MFHAS1: variants seen among roughly 807,000 people sequenced by gnomAD.
MFHAS1 encodes the protein multifunctional ROCO family signaling regulator 1, also known as malignant fibrous histiocytoma-amplified sequence 1.
A neutral mutation model predicts 70.4 loss-of-function variants in MFHAS1; 50 were observed. That is an observed-to-expected ratio of 0.71 (90% CI 0.57 to 0.90). MFHAS1 has a LOEUF of 0.90. MFHAS1 is among the 40% of genes least tolerant of loss of function. The probability of loss-of-function intolerance (pLI) is 0.00; values close to 1 mark genes in which losing one functional copy is unlikely to be tolerated. For missense variants in MFHAS1, 1,795 were observed against 1,347.6 expected (o/e 1.33, Z -5.20); for synonymous variants, 952 against 620.0 (o/e 1.54, Z -7.96).
intron 1 of MFHAS1, among the ~76,000 whole-genome samples, chr8:8,829,942 G>A (rs1211384976): frequency 2.0e-5 from 3 of 152,238 alleles, no homozygotes; most frequent in Admixed American, 6.5e-5. Context: ...ATTCTTCACT[G>A]TTCAACTAGA....
intron 1 of MFHAS1, among the ~76,000 whole-genome samples, chr8:8,805,388 T>A (rs558221573): frequency 1.3e-5 from 2 of 152,214 alleles, no homozygotes; most frequent in East Asian, 1.9e-4. Flanking sequence ...ACATATAGCA[T>A]GTGCTGTATT....
intron 1 of MFHAS1, among the ~76,000 whole-genome samples, chr8:8,830,234 G>A (rs1292798504): frequency 6.6e-6 from 1 of 152,130 alleles, no homozygotes; most frequent in Non-Finnish European, 1.5e-5. Context: ...CAAGCAAAAG[G>A]CTCAAGGAAG....
At chr8:8,797,971 T>G (rs1018746299) in intron 1 of MFHAS1, among the ~76,000 whole-genome samples, 27 of 152,160 alleles carry the variant, frequency 1.8e-4, no homozygotes, top group African/African-American at 6.5e-4. Flanking sequence ...CTAAAAGTGT[T>G]AAAAACACAA....
chr8:8,837,302 G>T (rs1807632926), intron 1 of MFHAS1, among the ~76,000 whole-genome samples: 1 of 152,146 alleles, frequency 6.6e-6, no homozygotes, highest in African/African-American at 2.4e-5. Context: ...ATGCAGCAAA[G>T]GAGTTGAATA....
chr8:8,824,081 G>A (rs909224171), intron 1 of MFHAS1, among the ~76,000 whole-genome samples: 3 of 151,248 alleles, frequency 2.0e-5, no homozygotes, highest in Non-Finnish European at 2.9e-5. Flanking sequence ...ACCTGCCTGT[G>A]AGGCAGAACT....
At position 8,890,172 on chromosome 8, in the gene MFHAS1, C is replaced by A. The variant is rs766752168; in HGVS notation, c.2887G>T (p.Val963Leu). 1.5e-5 allele frequency: 24 copies of A among 1,614,154 alleles called. No homozygotes were observed. The highest frequency in any genetic ancestry group is 1.9e-5 in the Non-Finnish European group (23 of 1,180,038). The change falls in exon 1 of 3, where the codon GTG becomes TTG. Residue 963 changes from valine to leucine, a missense_variant. Coordinates refer to ENST00000276282, the MANE Select transcript of MFHAS1 (RefSeq NM_004225.3). ...TGAAGTAGGACATTCAGTTCCTCCA[C>A]CAAGGGGGTTATGGCTTGCCATGCG... ...WTAWQAITPL[V>L]EELNVLLQEW... is the part of the protein sequence containing the mutation.
chr8:8,818,517 C>G (rs1022250530), intron 1 of MFHAS1, among the ~76,000 whole-genome samples: 2 of 152,144 alleles, frequency 1.3e-5, no homozygotes, highest in African/African-American at 2.4e-5. Flanking sequence ...ACTGGATAAC[C>G]CTGTGGAACT....
chr8:8,839,875 C>G (rs769461085), intron 1 of MFHAS1, among the ~76,000 whole-genome samples: 1 of 152,074 alleles, frequency 6.6e-6, no homozygotes, highest in African/African-American at 2.4e-5. Flanking sequence ...ACCTACCATG[C>G]CTGGACTGTC....
At chr8:8,801,749 AG>A (rs1806090546) in intron 1 of MFHAS1, among the ~76,000 whole-genome samples, 1 of 152,230 alleles carries the variant, frequency 6.6e-6, no homozygotes, top group African/African-American at 2.4e-5. Flanking sequence ...AAGAAGACGC[AG>A]GGGTCTGAGA....
intron 1 of MFHAS1, among the ~76,000 whole-genome samples, chr8:8,820,491 T>C (rs1806912950): frequency 6.6e-6 from 1 of 152,236 alleles, no homozygotes; most frequent in South Asian, 2.1e-4. Flanking sequence ...CTTTATTCAC[T>C]TGATCTCAAT....
At chr8:8,813,435 C>G (rs1377115815) in intron 1 of MFHAS1, among the ~76,000 whole-genome samples, 1 of 152,186 alleles carries the variant, frequency 6.6e-6, no homozygotes, top group East Asian at 1.9e-4. Flanking sequence ...CAGGGTATAA[C>G]AGCTCCATCA....
chr8:8,882,049 G>A (rs983929073), intron 1 of MFHAS1, among the ~76,000 whole-genome samples: 4 of 152,088 alleles, frequency 2.6e-5, no homozygotes, highest in African/African-American at 9.7e-5. Flanking sequence ...AACCACATGG[G>A]ACAATGACAA....
intron 1 of MFHAS1, among the ~76,000 whole-genome samples, chr8:8,799,713 G>T (rs969506507): frequency 6.6e-6 from 1 of 152,204 alleles, no homozygotes; most frequent in Non-Finnish European, 1.5e-5. Context: ...CTGAGATCAG[G>T]CCACTGCACT....
chr8:8,833,483 G>T (rs1280540720), intron 1 of MFHAS1, among the ~76,000 whole-genome samples: 2 of 152,028 alleles, frequency 1.3e-5, no homozygotes, highest in South Asian at 4.2e-4. Flanking sequence ...TTAAAAATTA[G>T]CCAGGCGTGG....
chr8:8,831,901 C>G (rs575677152), intron 1 of MFHAS1, among the ~76,000 whole-genome samples: 1 of 152,120 alleles, frequency 6.6e-6, no homozygotes, highest in Non-Finnish European at 1.5e-5. Flanking sequence ...TGTGAGCTAC[C>G]GCCCCCAGCC....
Position 8,890,083 on chromosome 8 carries a change from C to T in MFHAS1, c.2976G>A (p.Ser992=). Residue 992 remains serine (S), a synonymous_variant, in exon 1 of 3, where the codon TCG becomes TCA. Coordinates refer to ENST00000276282, the MANE Select transcript of MFHAS1 (RefSeq NM_004225.3). ...TACCTGGAAAAGCATGTGGATTGGG[C>T]GATCCTCTCTTAAGGCACTTAGAAC... is the stretch of plus-strand genomic sequence containing the variant. ...ILCSKCLKRG[S]PNPHAFPGEL... 1.2e-6 allele frequency: 2 copies of T among 1,605,384 alleles called. No individual in the cohort carries two copies. Among genetic ancestry groups the T allele is most frequent in the East Asian group, 2.2e-5 (1 of 44,758 alleles).
intron 2 of MFHAS1, among the ~76,000 whole-genome samples, chr8:8,787,756 T>C (rs986220895): frequency 1.3e-5 from 2 of 152,210 alleles, no homozygotes; most frequent in Non-Finnish European, 2.9e-5. Flanking sequence ...ACATAAACAT[T>C]TTCCCACTGA....
rs536051134 is a variant in MFHAS1 at position 8,854,291 on chromosome 8, G to T, written c.2998+35770C>A. Among the ~76,000 whole-genome samples, 3 of 152,102 alleles carry T rather than the reference G, an allele frequency of 2.0e-5. No individual in the cohort carries two copies. In the South Asian group the frequency reaches 6.2e-4, roughly 32 times the overall value. ...CTCACGCCTGTAATCCCAGCACTTTGGGAGGTCAAGAAGAGGTCAGGAGAT... is the reference window on the plus strand; with the variant it reads ...CTCACGCCTGTAATCCCAGCACTTTTGGAGGTCAAGAAGAGGTCAGGAGAT... On this transcript the variant is annotated intron_variant, in intron 1 of 2. Coordinates refer to ENST00000276282, the MANE Select transcript of MFHAS1 (RefSeq NM_004225.3).
intron 1 of MFHAS1, among the ~76,000 whole-genome samples, chr8:8,824,378 C>T (rs542221101): frequency 2.0e-5 from 3 of 152,212 alleles, no homozygotes; most frequent in South Asian, 4.2e-4. Flanking sequence ...ACAGGAAAAC[C>T]AGCCCTCATT....
Sources: gnomAD v4.1 joint callset for allele counts (sites outside exome capture counted in the v4.1 genomes callset) on GRCh38, gnomAD v4.1.1 for gene constraint, MANE v1.5 for transcripts, NCBI Gene and HGNC (gene_info 2026-07-23, HGNC 2026-07-21) for gene names.